The following NEMP2 variants were observed in gnomAD, a reference collection of about 807,000 sequenced individuals.
NEMP2 encodes UPF0571 transmembrane protein.
A neutral mutation model predicts 54.2 loss-of-function variants in NEMP2; 53 were observed. The ratio of observed to expected loss-of-function variants is 0.98; its 90% CI spans 0.78 to 1.23. NEMP2 has a LOEUF of 1.23. NEMP2 is among the 50% of genes most tolerant of loss of function. The pLI is 0.00. For missense variants in NEMP2, 455 were observed against 511.3 expected (o/e 0.89, Z 1.06); for synonymous variants, 197 against 190.3 (o/e 1.04, Z -0.29).
At chr2:190,495,139 G>T in the NEMP2 span, among the ~76,000 whole-genome samples, 2 of 152,082 alleles carry the variant, frequency 1.3e-5, no homozygotes, top group Non-Finnish European at 2.9e-5. The surrounding 1 kb of genome is among the most constrained non-coding windows in gnomAD (Gnocchi z 4.7). Context: ...ACTGATAAAT[G>T]AATTCAGCAA....
rs752723639 is a variant in NEMP2, at chr2:190,528,322, A to G, written c.98-2944T>C. Among the ~76,000 whole-genome samples the G allele has an allele frequency of 1.3e-5, 2 of 152,200 alleles. No homozygotes were observed. The highest frequency in any genetic ancestry group is 2.9e-5 in the Non-Finnish European group (2 of 68,026). ...ACACATTAAATGCTCCCAGTTAGTAAGCAGCAGAGGTGTGGGGATCAGATC... is the reference window on the plus strand; with the variant it reads ...ACACATTAAATGCTCCCAGTTAGTAGGCAGCAGAGGTGTGGGGATCAGATC... On this transcript the variant is annotated intron_variant, in intron 1 of 8. Transcript: ENST00000409150. The surrounding 1 kb of genome is among the most constrained non-coding windows in gnomAD (Gnocchi z 4.3).
the NEMP2 span, among the ~76,000 whole-genome samples, chr2:190,566,855 A>G: frequency 6.6e-6 from 1 of 152,158 alleles, no homozygotes; most frequent in Non-Finnish European, 1.5e-5. Flanking sequence ...CAGGTTTTCC[A>G]TACCATACAA....
chr2:190,510,265 T>C lies in NEMP2; in HGVS notation c.1130+96A>G. 7.2e-7 allele frequency: 1 copy of C among 1,395,768 alleles called. No individual in the cohort carries two copies. Among genetic ancestry groups the C allele is most frequent in the South Asian group, 1.4e-5 (1 of 72,588 alleles). The allele number at this position is 1,395,768 out of a possible 1,614,324, so 86.5% of individuals were successfully genotyped here. ...CATCATCTGTTATCCAGGGAAACAG[T>C]CTATTTCTACCCTGAAGTGCCTGTA... On this transcript the variant is annotated intron_variant, in intron 8 of 8. Coordinates refer to ENST00000409150, the MANE Select transcript of NEMP2 (RefSeq NM_001142645.2). The surrounding 1 kb of genome is among the most constrained non-coding windows in gnomAD (Gnocchi z 5.7).
In NEMP2 at chr2:190,523,825, G is replaced by T. The variant is rs1485344511; in HGVS notation, c.213+1438C>A. On this transcript the variant is annotated intron_variant, in intron 2 of 8. Transcript: ENST00000409150. This position sits in a 1 kb window ranked among gnomAD's most constrained non-coding sequence, Gnocchi z 5.3. ...GGATTGTAGTTTCCTGAAATAACTG[G>T]CAATTTGTGAGACTATATGGATATA... Among the ~76,000 whole-genome samples the T allele has an allele frequency of 2.0e-5, 3 of 152,144 alleles. No individual in the cohort carries two copies. Among genetic ancestry groups the T allele is most frequent in the African/African-American group, 4.8e-5 (2 of 41,414 alleles).
At chr2:190,454,932 G>GTATGTA in the NEMP2 span, among the ~76,000 whole-genome samples, 12,236 of 132,734 alleles carry the variant, frequency 0.092, 919 homozygotes, top group African/African-American at 0.15. This position sits in a 1 kb window ranked among gnomAD's most constrained non-coding sequence, Gnocchi z 4.6. Flanking sequence ...CCTGGTTTCT[G>GTATGTA]TATGTATATG....
the NEMP2 span, among the ~76,000 whole-genome samples, chr2:190,569,472 T>G: frequency 2.0e-5 from 3 of 152,368 alleles, no homozygotes; most frequent in South Asian, 4.1e-4. Flanking sequence ...TTAGCTTTGT[T>G]GCTTGTAGTT....
the NEMP2 span, among the ~76,000 whole-genome samples, chr2:190,422,144 T>G: frequency 2.6e-5 from 4 of 152,258 alleles, no homozygotes; most frequent in African/African-American, 9.6e-5. Flanking sequence ...TTCTGTTTAT[T>G]TAACTTTCTC....
chr2:190,606,449 C>T, the NEMP2 span, among the ~76,000 whole-genome samples: 3 of 152,252 alleles, frequency 2.0e-5, no homozygotes, highest in African/African-American at 7.2e-5. Context: ...TGGTGGCTTA[C>T]GCCTGTAATC....
At chr2:190,516,465 G>C in intron 5 of NEMP2, 81 bp from the exon 6 acceptor site, 1 of 1,061,748 alleles carries the variant, frequency 9.4e-7, no homozygotes, top group Non-Finnish European at 1.4e-6. Context: ...TAAACCTTTT[G>C]TATTAGAAAC....
chr2:190,454,870 AG>A, the NEMP2 span, among the ~76,000 whole-genome samples: 1 of 152,086 alleles, frequency 6.6e-6, no homozygotes. The surrounding 1 kb of genome is among the most constrained non-coding windows in gnomAD (Gnocchi z 4.6). Flanking sequence ...GGATGATGGT[AG>A]GAGTGAGTCC....
At chr2:190,541,506 T>C in the NEMP2 span, among the ~76,000 whole-genome samples, 1 of 152,192 alleles carries the variant, frequency 6.6e-6, no homozygotes. The surrounding 1 kb of genome is among the most constrained non-coding windows in gnomAD (Gnocchi z 5.2). Flanking sequence ...CATTTGTTCA[T>C]TTCTTAATTG....
chr2:190,439,116 T>A, the NEMP2 span, among the ~76,000 whole-genome samples: 1 of 152,040 alleles, frequency 6.6e-6, no homozygotes, highest in Non-Finnish European at 1.5e-5. This position sits in a 1 kb window ranked among gnomAD's most constrained non-coding sequence, Gnocchi z 5.8. Context: ...ATGTTTAGAT[T>A]ATCTGAGCTG....
At chr2:190,437,577 CGA>C in the NEMP2 span, 7 of 1,600,962 alleles carry the variant, frequency 4.4e-6, no homozygotes, top group Admixed American at 1.2e-4. This position sits in a 1 kb window ranked among gnomAD's most constrained non-coding sequence, Gnocchi z 5.9. Context: ...AACATGCTTA[CGA>C]TTGCTGCCCC....
chr2:190,478,442 T>G, the NEMP2 span, among the ~76,000 whole-genome samples: 968 of 152,348 alleles, frequency 6.4e-3, 4 homozygotes, highest in Middle Eastern at 0.014. Context: ...AACAGTAGAT[T>G]ATTCATGTGG....
At chr2:190,448,763 C>T in the NEMP2 span, among the ~76,000 whole-genome samples, 1 of 152,174 alleles carries the variant, frequency 6.6e-6, no homozygotes, top group Non-Finnish European at 1.5e-5. Context: ...GGGACCTCTA[C>T]ATTATCTGTA....
At chr2:190,630,941 T>A in the NEMP2 span, among the ~76,000 whole-genome samples, 550 of 151,874 alleles carry the variant, frequency 3.6e-3, 5 homozygotes, top group Non-Finnish European at 2.9e-3. The surrounding 1 kb of genome is among the most constrained non-coding windows in gnomAD (Gnocchi z 5.5). Context: ...GGCAGGAGGA[T>A]TGCTTGAGGC....
chr2:190,609,601 C>A, the NEMP2 span: 2 of 152,170 alleles, frequency 1.3e-5, no homozygotes, highest in Admixed American at 1.3e-4. The surrounding 1 kb of genome is among the most constrained non-coding windows in gnomAD (Gnocchi z 4.7). Context: ...CTGGCTCAAT[C>A]AGCTTTTAAT....
At chr2:190,539,252 T>C (rs978677604), upstream of NEMP2, among the ~76,000 whole-genome samples, 1 of 152,236 alleles carries the variant, frequency 6.6e-6, no homozygotes, top group African/African-American at 2.4e-5. This position sits in a 1 kb window ranked among gnomAD's most constrained non-coding sequence, Gnocchi z 4.1. Flanking sequence ...GAAAATGAGT[T>C]GGCTCTAAAC....
the NEMP2 span, among the ~76,000 whole-genome samples, chr2:190,604,431 G>A: frequency 6.3e-4 from 96 of 152,252 alleles, no homozygotes; most frequent in Non-Finnish European, 7.2e-4. The surrounding 1 kb of genome is among the most constrained non-coding windows in gnomAD (Gnocchi z 4.5). Context: ...CAGGTGAGTC[G>A]GCTTCCTCAC....
Sources: gnomAD v4.1 joint callset for allele counts (sites outside exome capture counted in the v4.1 genomes callset) on GRCh38, gnomAD v4.1.1 for gene constraint, Gnocchi (gnomAD v3.1) non-coding constraint, MANE v1.5 for transcripts, NCBI Gene and HGNC (gene_info 2026-07-23, HGNC 2026-07-21) for gene names.